DLGAP2: variants seen among roughly 807,000 people sequenced by gnomAD.
The protein encoded by DLGAP2 is DLG associated protein 2.
Under a neutral mutation model 100.3 loss-of-function variants are expected in DLGAP2, and 26 were observed. The ratio of observed to expected loss-of-function variants is 0.26; its 90% CI spans 0.19 to 0.36. DLGAP2 has a LOEUF of 0.36. Among genes scored for constraint, DLGAP2 ranks in the 10% least tolerant of loss-of-function variants. The pLI is 1.00. For synonymous variants in DLGAP2, 886 were observed against 630.1 expected (o/e 1.41, Z -6.08); for missense variants, 1,858 against 1,453.2 (o/e 1.28, Z -4.53).
At chr8:782,881 A>G (rs73181018) in intron 1 of DLGAP2, among the ~76,000 whole-genome samples, 33,087 of 152,196 alleles carry the variant, frequency 0.22, 4,460 homozygotes, top group Admixed American at 0.41. Flanking sequence ...AGGTGACAGA[A>G]GAAGAACCAA....
intron 2 of DLGAP2, among the ~76,000 whole-genome samples, chr8:1,124,925 T>G (rs1796131121): frequency 1.3e-5 from 2 of 152,158 alleles, no homozygotes. Flanking sequence ...GCTCTGCCCC[T>G]ATACCGAGGA....
chr8:1,246,422 C>T (rs1267735712), intron 2 of DLGAP2, among the ~76,000 whole-genome samples: 7 of 152,232 alleles, frequency 4.6e-5, no homozygotes, highest in East Asian at 3.8e-4. Context: ...CTGCCATCCG[C>T]GGCTGCTGAG....
intron 1 of DLGAP2, among the ~76,000 whole-genome samples, chr8:841,308 C>G (rs1227385762): frequency 2.6e-5 from 4 of 152,216 alleles, no homozygotes; most frequent in Non-Finnish European, 1.5e-5. Context: ...GTGATGGTCG[C>G]TCATCCTGAC....
chr8:1,050,461 A>G (rs984521289), intron 2 of DLGAP2, among the ~76,000 whole-genome samples: 2 of 152,216 alleles, frequency 1.3e-5, no homozygotes, highest in African/African-American at 4.8e-5. Context: ...ACGCTGGGCA[A>G]AGCTGAGCTG....
intron 1 of DLGAP2, among the ~76,000 whole-genome samples, chr8:879,348 C>G (rs1585965365): frequency 1.3e-5 from 2 of 152,306 alleles, no homozygotes; most frequent in East Asian, 3.9e-4. Flanking sequence ...ATGACACTGT[C>G]TGCTTGGGGA....
chr8:1,332,560 C>G (rs1801183498), intron 3 of DLGAP2, among the ~76,000 whole-genome samples: 1 of 152,206 alleles, frequency 6.6e-6, no homozygotes, highest in South Asian at 2.1e-4. Context: ...CACACACTTG[C>G]TATGACGGAG....
chr8:1,077,185 C>G (rs1291187688), intron 2 of DLGAP2, among the ~76,000 whole-genome samples: 1 of 152,208 alleles, frequency 6.6e-6, no homozygotes, highest in East Asian at 1.9e-4. Flanking sequence ...GTTTCTGCTT[C>G]TGATGAGGAC....
Position 1,363,397 on chromosome 8 carries a change from C to T in DLGAP2, c.106+104514C>T, listed in dbSNP as rs1277231616. 2.6e-5 allele frequency among the ~76,000 whole-genome samples: 4 copies of T among 152,200 alleles called. No homozygotes were observed. In the East Asian group the frequency reaches 7.7e-4, roughly 29 times the overall value. ...CCGTGGCACACCTGCGGCTGCCTCT[C>T]CTGCCTCCACGTCGCAGGTCAGGAG... On this transcript the variant is annotated intron_variant, in intron 3 of 14. Coordinates refer to ENST00000637795, the MANE Select transcript of DLGAP2 (RefSeq NM_001346810.2).
intron 2 of DLGAP2, among the ~76,000 whole-genome samples, chr8:1,216,420 C>G (rs993597552): frequency 2.6e-5 from 4 of 151,912 alleles, no homozygotes; most frequent in Admixed American, 1.3e-4. Flanking sequence ...TCAATCTTGG[C>G]TCACTCTAGC....
chr8:973,605 C>A (rs1330724366), intron 2 of DLGAP2, among the ~76,000 whole-genome samples: 2 of 152,240 alleles, frequency 1.3e-5, no homozygotes, highest in Non-Finnish European at 2.9e-5. Flanking sequence ...GAGGCCAAGG[C>A]AGGCGGCTGG....
chr8:758,304 A>G (rs1011334925), intron 1 of DLGAP2, among the ~76,000 whole-genome samples: 2 of 152,184 alleles, frequency 1.3e-5, no homozygotes, highest in Non-Finnish European at 2.9e-5. Context: ...AAACCTTGAA[A>G]CAATCATGAA....
At chr8:944,178 T>C (rs1799260450) in intron 2 of DLGAP2, among the ~76,000 whole-genome samples, 1 of 152,184 alleles carries the variant, frequency 6.6e-6, no homozygotes, top group Non-Finnish European at 1.5e-5. Context: ...GGTGATCCAG[T>C]GGGCGGTAAC....
chr8:755,859 G>A (rs763431248), intron 1 of DLGAP2, among the ~76,000 whole-genome samples: 1 of 152,220 alleles, frequency 6.6e-6, no homozygotes, highest in Non-Finnish European at 1.5e-5. Flanking sequence ...TGACTGTCAG[G>A]GCTGTGCCAC....
At chr8:1,635,234 A>T (rs1235177315) in intron 8 of DLGAP2, among the ~76,000 whole-genome samples, 2 of 152,222 alleles carry the variant, frequency 1.3e-5, no homozygotes, top group African/African-American at 2.4e-5. Flanking sequence ...TAGCAAGATT[A>T]TGGAAAAATA....
intron 2 of DLGAP2, among the ~76,000 whole-genome samples, chr8:939,909 C>T (rs1459491983): frequency 6.6e-6 from 1 of 151,592 alleles, no homozygotes; most frequent in Non-Finnish European, 1.5e-5. Context: ...AGGCTGCGGT[C>T]CCATGAGGGG....
At chr8:1,309,849 C>T (rs11779325) in intron 3 of DLGAP2, among the ~76,000 whole-genome samples, 1 of 152,168 alleles carries the variant, frequency 6.6e-6, no homozygotes. Context: ...AATCCCAGCA[C>T]TTTGGGAGGC....
At chr8:1,139,418 G>T (rs1796482340) in intron 2 of DLGAP2, among the ~76,000 whole-genome samples, 1 of 152,222 alleles carries the variant, frequency 6.6e-6, no homozygotes, top group Non-Finnish European at 1.5e-5. Context: ...AGCAGGTGTG[G>T]AATCTATGGA....
chr8:841,632 C>G (rs1420016439), intron 1 of DLGAP2, among the ~76,000 whole-genome samples: 1 of 151,916 alleles, frequency 6.6e-6, no homozygotes, highest in Non-Finnish European at 1.5e-5. Context: ...GTGCAGTGGC[C>G]ATTCACAGGT....
chr8:1,251,706 A>C (rs895258232), intron 2 of DLGAP2, among the ~76,000 whole-genome samples: 9 of 152,202 alleles, frequency 5.9e-5, no homozygotes, highest in Admixed American at 5.9e-4. Context: ...TCAGGTCATC[A>C]TGTCATACAG....
Sources: allele counts gnomAD v4.1 joint callset (sites outside exome capture counted in the v4.1 genomes callset), GRCh38; gene constraint gnomAD v4.1.1; transcripts MANE v1.5; gene names NCBI Gene and HGNC (gene_info 2026-07-23, HGNC 2026-07-21).